The following ZNF385D variants were observed in gnomAD, a reference collection of about 807,000 sequenced individuals.
ZNF385D encodes zinc finger protein 385D.
ZNF385D carries 15 observed loss-of-function variants against 35.8 expected under a neutral mutation model. The ratio of observed to expected loss-of-function variants is 0.42; its 90% CI spans 0.28 to 0.64. ZNF385D has a LOEUF of 0.64. Among genes scored for constraint, ZNF385D ranks in the 30% least tolerant of loss-of-function variants. The pLI, the probability that ZNF385D is intolerant of heterozygous loss-of-function variation, is 0.23. For missense variants in ZNF385D, 474 were observed against 494.6 expected (o/e 0.96, Z 0.39); for synonymous variants, 212 against 186.8 (o/e 1.13, Z -1.10).
At chr3:21,901,783 A>T (rs1285128437) in intron 3 of ZNF385D, among the ~76,000 whole-genome samples, 1 of 152,200 alleles carries the variant, frequency 6.6e-6, no homozygotes, top group Non-Finnish European at 1.5e-5. Flanking sequence ...ATTAGGGGAT[A>T]AGTTGGTACA....
chr3:21,704,159 C>A (rs896881201), intron 1 of ZNF385D, among the ~76,000 whole-genome samples: 7 of 152,160 alleles, frequency 4.6e-5, no homozygotes, highest in Non-Finnish European at 1.0e-4. Context: ...CCCATGTAAG[C>A]TCCCTGAAAC....
At chr3:21,528,632 C>T (rs1429798151) in intron 3 of ZNF385D, among the ~76,000 whole-genome samples, 1 of 152,046 alleles carries the variant, frequency 6.6e-6, no homozygotes, top group Non-Finnish European at 1.5e-5. Context: ...ACATTTGATT[C>T]AATGGATCAA....
At chr3:21,535,302 C>T (rs1219539917) in intron 3 of ZNF385D, among the ~76,000 whole-genome samples, 2 of 152,106 alleles carry the variant, frequency 1.3e-5, no homozygotes, top group Non-Finnish European at 2.9e-5. Context: ...CCTTCTAGCA[C>T]ACCTAATACA....
intron 3 of ZNF385D, among the ~76,000 whole-genome samples, chr3:21,563,650 C>T (rs951347114): frequency 1.1e-4 from 16 of 152,092 alleles, no homozygotes; most frequent in African/African-American, 3.9e-4. Context: ...TAACGTTGTC[C>T]AGAATTCAGA....
At chr3:22,013,220 C>G (rs1259384876) in intron 3 of ZNF385D, among the ~76,000 whole-genome samples, 1 of 151,846 alleles carries the variant, frequency 6.6e-6, no homozygotes, top group African/African-American at 2.4e-5. Context: ...GTGCAAACCT[C>G]TAATGAAAAT....
chr3:21,555,449 T>C lies in ZNF385D; in HGVS notation c.276+9125A>G, dbSNP rs188842222. 1.5e-4 allele frequency among the ~76,000 whole-genome samples: 23 copies of C among 152,236 alleles called. No homozygotes were observed. In the South Asian group the frequency reaches 4.1e-3, roughly 27 times the overall value. ...GTTCTCATTGTTCAGCTCCCACTTA[T>C]GAGAACATGCAGTGTGTGGTTTTCT... On this transcript the variant is annotated intron_variant, in intron 3 of 7. Coordinates refer to ENST00000281523, the MANE Select transcript of ZNF385D (RefSeq NM_024697.3).
chr3:22,276,315 C>A (rs972574765), intron 2 of ZNF385D, among the ~76,000 whole-genome samples: 47 of 152,220 alleles, frequency 3.1e-4, no homozygotes, highest in Non-Finnish European at 5.3e-4. Flanking sequence ...TTAATTTCCA[C>A]TGTACATTAT....
At chr3:22,299,524 T>C (rs1054148064) in intron 2 of ZNF385D, among the ~76,000 whole-genome samples, 2 of 151,856 alleles carry the variant, frequency 1.3e-5, no homozygotes, top group African/African-American at 2.4e-5. Flanking sequence ...CCAAATTGGA[T>C]AGTAAGAAGT....
chr3:22,268,196 A>C (rs7622018), intron 2 of ZNF385D, among the ~76,000 whole-genome samples: 12,704 of 152,050 alleles, frequency 0.084, 1,444 homozygotes, highest in African/African-American at 0.26. Context: ...GCTGTCCAAC[A>C]TAAGTGTCAC....
chr3:22,288,906 C>T (rs1379582302), intron 2 of ZNF385D, among the ~76,000 whole-genome samples: 1 of 152,102 alleles, frequency 6.6e-6, no homozygotes, highest in African/African-American at 2.4e-5. Context: ...AAGTGCCTCT[C>T]AAATCTCTGT....
At chr3:22,199,853 C>A (rs550188032) in intron 2 of ZNF385D, among the ~76,000 whole-genome samples, 128 of 152,048 alleles carry the variant, frequency 8.4e-4, no homozygotes, top group Middle Eastern at 3.4e-3. Context: ...CATTTTTAAA[C>A]AGGATAAAAT....
chr3:21,840,950 G>A (rs1695633863), intron 3 of ZNF385D, among the ~76,000 whole-genome samples: 1 of 152,018 alleles, frequency 6.6e-6, no homozygotes, highest in African/African-American at 2.4e-5. Flanking sequence ...TGAAGGCACA[G>A]GTAGTGGACA....
At chr3:21,812,232 T>C (rs951364183) in intron 3 of ZNF385D, among the ~76,000 whole-genome samples, 2 of 152,232 alleles carry the variant, frequency 1.3e-5, no homozygotes, top group Non-Finnish European at 2.9e-5. Context: ...AAGGATCCGG[T>C]TCCAAGATGG....
At chr3:21,836,859 C>A (rs1370336406) in intron 3 of ZNF385D, among the ~76,000 whole-genome samples, 2 of 152,040 alleles carry the variant, frequency 1.3e-5, no homozygotes, top group Non-Finnish European at 2.9e-5. Flanking sequence ...CCCACCCCAG[C>A]TTAAATATCT....
chr3:21,932,286 T>C (rs1301610522), intron 3 of ZNF385D, among the ~76,000 whole-genome samples: 1 of 150,466 alleles, frequency 6.6e-6, no homozygotes, highest in African/African-American at 2.4e-5. Flanking sequence ...ACAAATATCA[T>C]ATTTAGCTGC....
chr3:21,503,097 C>A (rs2125444467), intron 4 of ZNF385D, among the ~76,000 whole-genome samples: 1 of 152,186 alleles, frequency 6.6e-6, no homozygotes, highest in Middle Eastern at 3.4e-3. Flanking sequence ...CTTTATATTG[C>A]CTCATAAACT....
intron 2 of ZNF385D, among the ~76,000 whole-genome samples, chr3:22,232,242 A>G (rs1257193932): frequency 6.6e-6 from 1 of 152,098 alleles, no homozygotes; most frequent in East Asian, 1.9e-4. Context: ...TTGCTAGTAT[A>G]ACTAAAAATT....
intron 3 of ZNF385D, among the ~76,000 whole-genome samples, chr3:21,872,230 G>A (rs1697731782): frequency 6.6e-6 from 1 of 152,044 alleles, no homozygotes; most frequent in African/African-American, 2.4e-5. Context: ...TAATATATGT[G>A]GCGACAACTG....
intron 2 of ZNF385D, among the ~76,000 whole-genome samples, chr3:21,619,406 G>T (rs992030193): frequency 6.4e-5 from 9 of 140,648 alleles, no homozygotes; most frequent in Non-Finnish European, 1.2e-4. Context: ...TTGTCATCGT[G>T]TGTGTGCGTG....
Sources: allele counts gnomAD v4.1 joint callset (sites outside exome capture counted in the v4.1 genomes callset), GRCh38; gene constraint gnomAD v4.1.1; transcripts MANE v1.5; gene names NCBI Gene and HGNC (gene_info 2026-07-23, HGNC 2026-07-21).